Variants in MPPED1 observed in about 807,000 individuals in gnomAD.
MPPED1 encodes the protein metallophosphoesterase domain containing 1.
Under a neutral mutation model 36.2 loss-of-function variants are expected in MPPED1, and 16 were observed. The observed-to-expected ratio is 0.44, with a 90% CI of 0.30 to 0.67. The LOEUF is 0.67. MPPED1 is among the 30% of genes least tolerant of loss of function. The pLI is 0.10. For missense variants in MPPED1, 307 were observed against 453.4 expected, an observed-to-expected ratio of 0.68 and a Z score of 2.93; for synonymous variants, 199 against 191.3, an observed-to-expected ratio of 1.04 and a Z score of -0.33.
chr22:43,452,904 G>A (rs1007861830), intron 3 of MPPED1, among the ~76,000 whole-genome samples: 1 of 151,664 alleles, frequency 6.6e-6, no homozygotes, highest in Non-Finnish European at 1.5e-5. Context: ...AAGATTAAGG[G>A]TGTGAGCTAC....
intron 4 of MPPED1, among the ~76,000 whole-genome samples, chr22:43,492,611 C>T (rs1364531552): frequency 6.6e-6 from 1 of 152,180 alleles, no homozygotes; most frequent in East Asian, 1.9e-4. Context: ...CTCTCACAGG[C>T]CTGGGGGCAG....
In MPPED1 at chr22:43,424,453, G is replaced by A. The variant is rs145779510; in HGVS notation, c.-78-455G>A. ...GCGTGGGGCCATGTGGGTGTGTTTGGGGGTCTGTGGAGGATGGGGGAGGGT... is the reference window on the plus strand; with the variant it reads ...GCGTGGGGCCATGTGGGTGTGTTTGAGGGTCTGTGGAGGATGGGGGAGGGT... On this transcript the variant is annotated intron_variant, in intron 1 of 6. Coordinates refer to ENST00000443721, the MANE Select transcript of MPPED1 (RefSeq NM_001044370.2). Among the ~76,000 whole-genome samples the A allele has an allele frequency of 2.0e-3, 297 of 152,240 alleles. 1 individual carries two copies. Among genetic ancestry groups the A allele is most frequent in the Middle Eastern group, 6.8e-3 (2 of 294 alleles).
chr22:43,479,157 C>T (rs1031248427), intron 4 of MPPED1, among the ~76,000 whole-genome samples: 2 of 152,184 alleles, frequency 1.3e-5, no homozygotes, highest in African/African-American at 4.8e-5. Context: ...GGGCATATGG[C>T]AGCTCATTCG....
chr22:43,458,506 T>C (rs135034), intron 3 of MPPED1, among the ~76,000 whole-genome samples: 2,190 of 152,162 alleles, frequency 0.014, 30 homozygotes, highest in Middle Eastern at 0.034. Context: ...GTCTGGTCTC[T>C]ATCTCCTGAC....
chr22:43,504,467 GATGATGGTGGTGGTGGTGATGA>G (rs1373746503), intron 6 of MPPED1, among the ~76,000 whole-genome samples: 3 of 152,024 alleles, frequency 2.0e-5, no homozygotes, highest in Non-Finnish European at 2.9e-5. Context: ...CACCATTCTT[GATGATGGTGGTGGTGGTGATGA>G]ATGATGGTGG....
At chr22:43,444,320 G>GTGTT (rs1433714202) in intron 3 of MPPED1, among the ~76,000 whole-genome samples, 1 of 130,050 alleles carries the variant, frequency 7.7e-6, no homozygotes, top group Non-Finnish European at 1.7e-5. Context: ...GTGTGTGTGT[G>GTGTT]TATCAAACAT....
At chr22:43,479,102 T>G (rs1931667535) in intron 4 of MPPED1, among the ~76,000 whole-genome samples, 1 of 152,100 alleles carries the variant, frequency 6.6e-6, no homozygotes. Flanking sequence ...AGCTGTCTGT[T>G]GAGGTTCTGG....
intron 1 of MPPED1, among the ~76,000 whole-genome samples, chr22:43,412,399 C>T (rs1342589355): frequency 6.6e-6 from 1 of 152,040 alleles, no homozygotes; most frequent in East Asian, 1.9e-4. Flanking sequence ...GCTGGGGCCG[C>T]GGGGTCAGCG....
At chr22:43,436,312 G>T (rs1203478718) in intron 3 of MPPED1, among the ~76,000 whole-genome samples, 1 of 152,172 alleles carries the variant, frequency 6.6e-6, no homozygotes, top group African/African-American at 2.4e-5. Flanking sequence ...GCCCCACGTG[G>T]CTGCCAGACG....
rs1320222209 is a variant in MPPED1 at position 43,497,025 on chromosome 22, A to AGGT, written c.633-1210_633-1209insGGT. Among the ~76,000 whole-genome samples, 7 of 98,536 alleles carry AGGT rather than the reference A, an allele frequency of 7.1e-5. 1 individual carries two copies. Among genetic ancestry groups the AGGT allele is most frequent in the Admixed American group, 3.1e-4 (3 of 9,804 alleles). 64.6% of individuals were successfully genotyped at this position (98,536 alleles called of 152,430 possible). ...GTGGTGGTGGAGGTAGTGGTGGTGG[A>AGGT]AGTGGTGGTGGTGGAGGTAGTGGTG... On this transcript the variant is annotated intron_variant, in intron 4 of 6. Coordinates refer to ENST00000443721, the MANE Select transcript of MPPED1 (RefSeq NM_001044370.2).
chr22:43,474,881 G>A lies in MPPED1; in HGVS notation c.552G>A (p.Val184=), dbSNP rs111230140. The change falls in exon 4 of 7, where the codon GTG becomes GTA. Residue 184 remains valine, a synonymous_variant. Coordinates refer to ENST00000443721, the MANE Select transcript of MPPED1 (RefSeq NM_001044370.2). The surrounding 1 kb of genome is among the most constrained non-coding windows in gnomAD (Gnocchi z 5.2). Reference sequence around the variant, plus strand: ...TGAAGCCGGAGAACTATGAGAATGTGCAGTCGCTGCTGACCAACTGCATCT... The same window carrying A: ...TGAAGCCGGAGAACTATGAGAATGTACAGTCGCTGCTGACCAACTGCATCT... ...SKLKPENYEN[V]QSLLTNCIYL... 2,052 of 1,614,052 alleles carry A rather than the reference G, an allele frequency of 1.3e-3. 23 individuals are homozygous for A. The African/African-American group carries it at 0.025, about 19-fold the overall frequency.
At chr22:43,444,282 GTGTGTGTGT>G (rs1930255203) in intron 3 of MPPED1, among the ~76,000 whole-genome samples, 18 of 13,626 alleles carry the variant, frequency 1.3e-3, no homozygotes, top group Admixed American at 5.6e-3. Flanking sequence ...CCACTGGGGT[GTGTGTGTGT>G]GTGTGTGTGT....
chr22:43,428,753 G>T (rs1929571899), intron 2 of MPPED1, among the ~76,000 whole-genome samples: 1 of 152,044 alleles, frequency 6.6e-6, no homozygotes, highest in Non-Finnish European at 1.5e-5. Flanking sequence ...CTTGGGTAAT[G>T]AATCTCCGGA....
intron 3 of MPPED1, among the ~76,000 whole-genome samples, chr22:43,457,828 T>A (rs1930808456): frequency 6.6e-6 from 1 of 152,210 alleles, no homozygotes; most frequent in Non-Finnish European, 1.5e-5. Flanking sequence ...GCTATTATTG[T>A]CATACAAATT....
intron 3 of MPPED1, among the ~76,000 whole-genome samples, chr22:43,454,917 T>C (rs573105269): frequency 6.6e-6 from 1 of 152,302 alleles, no homozygotes; most frequent in African/African-American, 2.4e-5. Context: ...GTTGGTTTGA[T>C]AGGGCTTCCC....
chr22:43,454,401 C>A (rs946873341), intron 3 of MPPED1, among the ~76,000 whole-genome samples: 1 of 152,128 alleles, frequency 6.6e-6, no homozygotes, highest in African/African-American at 2.4e-5. Context: ...ATCTCCTGAG[C>A]TCAAGCAATC....
chr22:43,498,376 C>T, intron 5 of MPPED1, 26 bp downstream of exon 5: 1 of 1,517,554 alleles, frequency 6.6e-7, no homozygotes, highest in Non-Finnish European at 8.8e-7. Flanking sequence ...CCTGGCCCTC[C>T]AGCTCGCCCA....
intron 3 of MPPED1, among the ~76,000 whole-genome samples, chr22:43,440,088 A>G (rs1179458856): frequency 6.6e-6 from 1 of 152,216 alleles, no homozygotes; most frequent in Non-Finnish European, 1.5e-5. Flanking sequence ...CCCTGGACAG[A>G]GAGGAATGTG....
intron 2 of MPPED1, among the ~76,000 whole-genome samples, chr22:43,433,082 A>G (rs1277466930): frequency 6.6e-6 from 1 of 151,936 alleles, no homozygotes; most frequent in Non-Finnish European, 1.5e-5. Context: ...GCGGCAGGGT[A>G]TGTAGGTCAC....
Sources: allele counts gnomAD v4.1 joint callset (sites outside exome capture counted in the v4.1 genomes callset), GRCh38; gene constraint gnomAD v4.1.1; non-coding constraint Gnocchi (gnomAD v3.1); transcripts MANE v1.5; gene names NCBI Gene and HGNC (gene_info 2026-07-23, HGNC 2026-07-21).